The following CHRNA7 variants were observed in gnomAD, a reference collection of about 807,000 sequenced individuals.
CHRNA7 encodes the protein neuronal acetylcholine receptor subunit alpha-7.
CHRNA7 carries 17 observed loss-of-function variants against 48.0 expected under a neutral mutation model. The ratio of observed to expected loss-of-function variants is 0.35; its 90% CI spans 0.24 to 0.53. The LOEUF (loss-of-function observed/expected upper bound fraction) is 0.53, where lower values mean the gene tolerates loss of function less well. Among genes scored for constraint, CHRNA7 ranks in the 20% least tolerant of loss-of-function variants. The probability of loss-of-function intolerance (pLI) is 0.92; values close to 1 mark genes in which losing one functional copy is unlikely to be tolerated. For synonymous variants in CHRNA7, 75 were observed against 242.3 expected, an observed-to-expected ratio of 0.31 and a Z score of 6.41; for missense variants, 155 against 577.7, an observed-to-expected ratio of 0.27 and a Z score of 7.50.
Position 32,063,894 on chromosome 15 carries a change from A to G in CHRNA7, c.195+32857A>G, listed in dbSNP as rs185436895. Among the ~76,000 whole-genome samples the G allele has an allele frequency of 2.0e-5, 3 of 152,324 alleles. No homozygotes were observed. The East Asian group carries it at 5.8e-4, about 29-fold the overall frequency. Reference sequence around the variant, plus strand: ...TATCAACTAGAGAATTTCCCTTGCCATTCTCCATTTGTGGATCCAGATCCT... The same window carrying G: ...TATCAACTAGAGAATTTCCCTTGCCGTTCTCCATTTGTGGATCCAGATCCT... On this transcript the variant is annotated intron_variant, in intron 2 of 9. Transcript: ENST00000306901.
At chr15:32,041,010 G>A (rs2049438477) in intron 2 of CHRNA7, among the ~76,000 whole-genome samples, 1 of 151,786 alleles carries the variant, frequency 6.6e-6, no homozygotes, top group Admixed American at 6.6e-5. Context: ...TTTCATGTAA[G>A]TCAGATGTAA....
intron 2 of CHRNA7, among the ~76,000 whole-genome samples, chr15:32,087,054 G>A (rs561742147): frequency 6.6e-6 from 1 of 152,178 alleles, no homozygotes; most frequent in African/African-American, 2.4e-5. Context: ...CCCAAATTAG[G>A]GAGTGGAAAG....
At chr15:32,058,811 A>G (rs1051438584) in intron 2 of CHRNA7, among the ~76,000 whole-genome samples, 3 of 152,200 alleles carry the variant, frequency 2.0e-5, no homozygotes, top group African/African-American at 7.2e-5. Flanking sequence ...TTGGATGCAT[A>G]TATCACTGTG....
chr15:32,044,917 G>A (rs72713538), intron 2 of CHRNA7, among the ~76,000 whole-genome samples: 8,933 of 152,228 alleles, frequency 0.059, 327 homozygotes, highest in East Asian at 0.13. Context: ...ATTCTTTGCG[G>A]CAATTCCCAT....
At chr15:32,037,715 C>T (rs1902158503) in intron 2 of CHRNA7, among the ~76,000 whole-genome samples, 1 of 151,690 alleles carries the variant, frequency 6.6e-6, no homozygotes, top group Admixed American at 6.6e-5. Context: ...TGTTAATTGC[C>T]GAAATATAGG....
At chr15:32,047,717 G>C (rs984342022) in intron 2 of CHRNA7, among the ~76,000 whole-genome samples, 1 of 152,140 alleles carries the variant, frequency 6.6e-6, no homozygotes, top group African/African-American at 2.4e-5. Context: ...TGTTGAATAG[G>C]AGTGGTGAGA....
At chr15:32,080,571 T>G (rs2050200377) in intron 2 of CHRNA7, among the ~76,000 whole-genome samples, 1 of 151,994 alleles carries the variant, frequency 6.6e-6, no homozygotes, top group Non-Finnish European at 1.5e-5. Context: ...ATTAGAGAAA[T>G]GCAAGTCAAA....
chr15:32,067,864 C>T (rs548676067), intron 2 of CHRNA7, among the ~76,000 whole-genome samples: 8 of 152,036 alleles, frequency 5.3e-5, no homozygotes, highest in East Asian at 1.9e-4. Flanking sequence ...TTGTAATTCC[C>T]GGGAAAAACA....
Position 32,095,004 on chromosome 15 carries a change from G to A in CHRNA7, c.196-6299G>A, listed in dbSNP as rs146365162. Among the ~76,000 whole-genome samples, 885 of 152,342 alleles carry A rather than the reference G, an allele frequency of 5.8e-3. 6 individuals are homozygous for A. The highest frequency in any genetic ancestry group is 0.02 in the African/African-American group (849 of 41,582). On this transcript the variant is annotated intron_variant, in intron 2 of 9. Coordinates refer to ENST00000306901, the MANE Select transcript of CHRNA7 (RefSeq NM_000746.6). ...GTCCTTGCAGCATGCTGCAGAGAGAGCAATTGATAGCCATTACCCTTGTTT... is the reference window on the plus strand; with the variant it reads ...GTCCTTGCAGCATGCTGCAGAGAGAACAATTGATAGCCATTACCCTTGTTT...
chr15:32,166,829 TC>T (rs2052188781), intron 9 of CHRNA7, among the ~76,000 whole-genome samples: 1 of 124,268 alleles, frequency 8.0e-6, no homozygotes, highest in Non-Finnish European at 1.6e-5. Context: ...TGGTGATTTT[TC>T]TCCAGCTTCT....
At chr15:32,084,808 T>C (rs1478086691) in intron 2 of CHRNA7, among the ~76,000 whole-genome samples, 1 of 148,190 alleles carries the variant, frequency 6.7e-6, no homozygotes, top group Non-Finnish European at 1.5e-5. Flanking sequence ...CACTCATACC[T>C]ATGCTCATCG....
chr15:32,033,714 A>G (rs1461348786), intron 2 of CHRNA7, among the ~76,000 whole-genome samples: 2 of 152,204 alleles, frequency 1.3e-5, no homozygotes, highest in South Asian at 2.1e-4. Context: ...CAGAGACACA[A>G]TGGTTCTCAT....
rs926441617 is a variant in CHRNA7 at position 32,149,838 on chromosome 15, T to C, written c.351-4069T>C. Among the ~76,000 whole-genome samples the C allele has an allele frequency of 2.6e-5, 4 of 152,028 alleles. No homozygotes were observed. Among genetic ancestry groups the C allele is most frequent in the Admixed American group, 6.5e-5 (1 of 15,274 alleles). ...GATCTCAAGAGTCTCTTCAATTAAATTGATCCAAATGCTTGAAAGAAAGGC... is the reference window on the plus strand; with the variant it reads ...GATCTCAAGAGTCTCTTCAATTAAACTGATCCAAATGCTTGAAAGAAAGGC... On this transcript the variant is annotated intron_variant, in intron 4 of 9. Transcript: ENST00000306901. This position sits in a 1 kb window ranked among gnomAD's most constrained non-coding sequence, Gnocchi z 4.6.
At chr15:32,138,561 AG>A (rs2051314718) in intron 4 of CHRNA7, among the ~76,000 whole-genome samples, 1 of 151,402 alleles carries the variant, frequency 6.6e-6, no homozygotes, top group African/African-American at 2.4e-5. Flanking sequence ...AGTTTACATC[AG>A]GGTTCTCTCT....
chr15:32,136,898 G>A (rs1293771194), intron 4 of CHRNA7, among the ~76,000 whole-genome samples: 1 of 150,420 alleles, frequency 6.6e-6, no homozygotes, highest in Non-Finnish European at 1.5e-5. Flanking sequence ...CGGGCGTGGT[G>A]GCGGGCGCCT....
chr15:32,137,989 C>CT (rs144780591), intron 4 of CHRNA7, among the ~76,000 whole-genome samples: 2,076 of 152,096 alleles, frequency 0.014, 31 homozygotes, highest in Non-Finnish European at 0.021. Context: ...CTTTTAATAT[C>CT]TTTTTTGGGA....
chr15:32,067,062 A>G (rs969041217), intron 2 of CHRNA7, among the ~76,000 whole-genome samples: 1 of 152,234 alleles, frequency 6.6e-6, no homozygotes, highest in African/African-American at 2.4e-5. Context: ...CAACATACGC[A>G]AAAGAGTTAT....
chr15:32,104,430 C>T (rs8029400), intron 3 of CHRNA7, among the ~76,000 whole-genome samples: 53,962 of 151,964 alleles, frequency 0.36, 10,070 homozygotes, highest in East Asian at 0.59. Flanking sequence ...CCAAACCCTC[C>T]CCTCCACCTC....
At chr15:32,151,456 T>C (rs908104691) in intron 4 of CHRNA7, among the ~76,000 whole-genome samples, 1 of 143,378 alleles carries the variant, frequency 7.0e-6, no homozygotes, top group Admixed American at 6.8e-5. Flanking sequence ...TGAAAACCCC[T>C]TTTTTTTTGC....
Sources: gnomAD v4.1 joint callset for allele counts (sites outside exome capture counted in the v4.1 genomes callset) on GRCh38, gnomAD v4.1.1 for gene constraint, Gnocchi (gnomAD v3.1) non-coding constraint, MANE v1.5 for transcripts, NCBI Gene and HGNC (gene_info 2026-07-23, HGNC 2026-07-21) for gene names.